Variants in ABCC12 observed in about 807,000 individuals in gnomAD.
ABCC12 encodes ATP-binding cassette sub-family C member 12.
Under a neutral mutation model 151.1 loss-of-function variants are expected in ABCC12, and 142 were observed. That is an observed-to-expected ratio of 0.94 (90% CI 0.82 to 1.08). The LOEUF is 1.08. Among genes scored for constraint, ABCC12 ranks in the 50% least tolerant of loss-of-function variants. The probability of loss-of-function intolerance (pLI) is 0.00; values close to 1 mark genes in which losing one functional copy is unlikely to be tolerated. For synonymous variants in ABCC12, 645 were observed against 646.4 expected, an observed-to-expected ratio of 1.00 and a Z score of 0.03; for missense variants, 1,638 against 1,691.1, an observed-to-expected ratio of 0.97 and a Z score of 0.55.
At chr16:48,151,339 G>A (rs1335886560) in intron 2 of ABCC12, among the ~76,000 whole-genome samples, 2 of 152,176 alleles carry the variant, frequency 1.3e-5, no homozygotes, top group Non-Finnish European at 2.9e-5. Context: ...CCTCAAAACT[G>A]TCAAGGTCAT....
intron 22 of ABCC12, among the ~76,000 whole-genome samples, chr16:48,103,769 C>G (rs942091066): frequency 1.3e-5 from 2 of 152,186 alleles, no homozygotes; most frequent in East Asian, 3.9e-4. Flanking sequence ...ACCCCCGCCC[C>G]GACACTGTGC....
chr16:48,105,094 T>A (rs1193647874), intron 21 of ABCC12, 45 bp downstream of exon 21: 1 of 1,609,984 alleles, frequency 6.2e-7, no homozygotes, highest in South Asian at 1.1e-5. Flanking sequence ...CCGTATACCT[T>A]GTTGACTGAA....
chr16:48,122,919 A>G (rs370413155), intron 12 of ABCC12, among the ~76,000 whole-genome samples: 1 of 152,210 alleles, frequency 6.6e-6, no homozygotes, highest in Non-Finnish European at 1.5e-5. Context: ...AAGGAAACCA[A>G]GTGGTTTCAT....
At position 48,081,638 on chromosome 16, in the gene ABCC12, A is replaced by G. The variant is rs1241892642; in HGVS notation, c.*2077T>C. On this transcript the variant is annotated 3_prime_UTR_variant, in exon 31 of 31. Transcript: ENST00000311303. ...GGATTCAGTGAAATAATTCATGGAA[A>G]AAATGCTTGTCACAGTCCTGGCACA... Among the ~76,000 whole-genome samples, 12 of 152,208 alleles carry G rather than the reference A, an allele frequency of 7.9e-5. 1 individual carries two copies. Among genetic ancestry groups the G allele is most frequent in the Admixed American group, 2.6e-4 (4 of 15,282 alleles).
chr16:48,106,918 C>T (rs1246574011), intron 20 of ABCC12, among the ~76,000 whole-genome samples: 3 of 152,154 alleles, frequency 2.0e-5, no homozygotes, highest in African/African-American at 7.2e-5. Flanking sequence ...AGCAGAGACA[C>T]GTGGGACCTT....
At chr16:48,096,693 T>G in intron 24 of ABCC12, 53 bp downstream of exon 24, 1 of 1,585,572 alleles carries the variant, frequency 6.3e-7, no homozygotes, top group Non-Finnish European at 8.6e-7. Flanking sequence ...CCCTCGCTGA[T>G]GTATTACAGG....
Position 48,115,553 on chromosome 16 carries a change from G to A in ABCC12, c.1851C>T (p.Val617=), listed in dbSNP as rs375662287. ...QRQRISLARA[V]YSDRQLYLLD... ...GCAGGTAGAGCTGACGGTCGGAGTA[G>A]ACAGCGCGGGCCAGGCTAATCCTCT... Residue 617 remains valine, a synonymous_variant, in exon 15 of 31, where the codon GTC becomes GTT. Coordinates refer to ENST00000311303, the MANE Select transcript of ABCC12 (RefSeq NM_001393797.1). The A allele has an allele frequency of 3.1e-6, 5 of 1,614,184 alleles. No homozygotes were observed. Among genetic ancestry groups the A allele is most frequent in the Non-Finnish European group, 2.5e-6 (3 of 1,180,026 alleles).
intron 21 of ABCC12, 63 bp downstream of exon 21, chr16:48,105,076 C>T: frequency 6.3e-7 from 1 of 1,584,106 alleles, no homozygotes; most frequent in East Asian, 2.2e-5. Context: ...TGGCACACTG[C>T]AGGTGCTCCG....
At chr16:48,137,326 G>A (rs1349516071) in intron 8 of ABCC12, among the ~76,000 whole-genome samples, 1 of 152,210 alleles carries the variant, frequency 6.6e-6, no homozygotes, top group Non-Finnish European at 1.5e-5. Context: ...CCATGGCCTT[G>A]CACAAAGTAG....
rs531916356 is a variant in ABCC12, at chr16:48,141,248, G to A, written c.381C>T (p.Ile127=). 5.0e-6 allele frequency: 8 copies of A among 1,614,150 alleles called. No homozygotes were observed. In the South Asian group the frequency reaches 5.5e-5, roughly 11 times the overall value. The change falls in exon 5 of 31, where the codon ATC becomes ATT. Residue 127 remains isoleucine (I), a synonymous_variant. Transcript: ENST00000311303. ...KFQRTRVLMD[I]VANILCIIMA... ...TGATGATGCACAGGATGTTGGCCACGATGTCCATCAACACGCGTGTCCTCT... is the reference window on the plus strand; with the variant it reads ...TGATGATGCACAGGATGTTGGCCACAATGTCCATCAACACGCGTGTCCTCT...
intron 6 of ABCC12, among the ~76,000 whole-genome samples, chr16:48,140,198 G>C (rs1170965834): frequency 6.6e-6 from 1 of 151,972 alleles, no homozygotes; most frequent in Non-Finnish European, 1.5e-5. Flanking sequence ...TGTTGTTGTT[G>C]TGTGTGTGTG....
chr16:48,086,711 A>T (rs1357883151), intron 28 of ABCC12, 30 bp downstream of exon 28: 1 of 1,588,996 alleles, frequency 6.3e-7, no homozygotes, highest in Non-Finnish European at 8.6e-7. Context: ...CTGGGAAACA[A>T]ACTCCTCCTC....
At chr16:48,087,798 C>G in intron 27 of ABCC12, 128 bp downstream of exon 27, 2 of 1,020,680 alleles carry the variant, frequency 2.0e-6, no homozygotes, top group Non-Finnish European at 2.8e-6. Flanking sequence ...TGTGAGCCCC[C>G]CTGGGATACT....
At chr16:48,139,449 C>G (rs1356605125) in intron 6 of ABCC12, 113 bp from the exon 7 acceptor site, 2 of 1,209,174 alleles carry the variant, frequency 1.7e-6, no homozygotes, top group South Asian at 3.1e-5. Context: ...AAAAACTTCT[C>G]TAAAGCAGGA....
intron 11 of ABCC12, among the ~76,000 whole-genome samples, chr16:48,126,321 CA>C (rs1964236786): frequency 6.6e-6 from 1 of 152,146 alleles, no homozygotes. Context: ...GCAGAAAATC[CA>C]TGAGGCCTGT....
rs1962555836 is a variant in ABCC12 at position 48,085,574 on chromosome 16, A to G, written c.3828+19T>C. On this transcript the variant is annotated intron_variant, in intron 29 of 30. Coordinates refer to ENST00000311303, the MANE Select transcript of ABCC12 (RefSeq NM_001393797.1). ...GAAATATCCAAAATTTGACCAATCCATTTTCCGTGTTTTCTTACCTTTGAA... is the reference window on the plus strand; with the variant it reads ...GAAATATCCAAAATTTGACCAATCCGTTTTCCGTGTTTTCTTACCTTTGAA... 1 of 1,610,242 alleles carries G rather than the reference A, an allele frequency of 6.2e-7. No individual in the cohort carries two copies. The highest frequency in any genetic ancestry group is 8.5e-7 in the Non-Finnish European group (1 of 1,176,598).
At position 48,104,561 on chromosome 16, in the gene ABCC12, G is replaced by T. The variant is rs572861065; in HGVS notation, c.2674-193C>A. On this transcript the variant is annotated intron_variant, in intron 21 of 30. Coordinates refer to ENST00000311303, the MANE Select transcript of ABCC12 (RefSeq NM_001393797.1). ...CACCGTGAATGAGTGTGAATGTGGG[G>T]ATTCAGTCTCTGTGTGGAAGTCCCG... 2.7e-4 allele frequency among the ~76,000 whole-genome samples: 41 copies of T among 152,332 alleles called. 1 individual carries two copies. Among genetic ancestry groups the T allele is most frequent in the African/African-American group, 9.4e-4 (39 of 41,568 alleles).
chr16:48,149,825 A>G (rs1378664120), intron 2 of ABCC12, among the ~76,000 whole-genome samples: 1 of 152,222 alleles, frequency 6.6e-6, no homozygotes, highest in Non-Finnish European at 1.5e-5. Context: ...AATACACACA[A>G]AAATATGCTC....
At chr16:48,129,411 G>A (rs550233050) in intron 10 of ABCC12, among the ~76,000 whole-genome samples, 25 of 152,314 alleles carry the variant, frequency 1.6e-4, no homozygotes, top group African/African-American at 5.8e-4. Flanking sequence ...AAGGGAAAGA[G>A]AATGACAGCA....
Sources: gnomAD v4.1 joint callset for allele counts (sites outside exome capture counted in the v4.1 genomes callset) on GRCh38, gnomAD v4.1.1 for gene constraint, MANE v1.5 for transcripts, NCBI Gene and HGNC (gene_info 2026-07-23, HGNC 2026-07-21) for gene names.